The following CAMK1D variants were observed in gnomAD, a reference collection of about 807,000 sequenced individuals.
CAMK1D encodes the protein calcium/calmodulin-dependent protein kinase type 1D.
Under a neutral mutation model 47.7 loss-of-function variants are expected in CAMK1D, and 9 were observed. The ratio of observed to expected loss-of-function variants is 0.19; its 90% CI spans 0.11 to 0.33. CAMK1D has a LOEUF of 0.33. CAMK1D is among the 10% of genes least tolerant of loss of function. The probability of loss-of-function intolerance (pLI) is 1.00; values close to 1 mark genes in which losing one functional copy is unlikely to be tolerated. For missense variants in CAMK1D, 291 were observed against 488.7 expected, an observed-to-expected ratio of 0.60 and a Z score of 3.81; for synonymous variants, 184 against 184.9, an observed-to-expected ratio of 0.99 and a Z score of 0.04.
At chr10:12,668,382 T>C (rs944265978) in intron 3 of CAMK1D, among the ~76,000 whole-genome samples, 3 of 152,250 alleles carry the variant, frequency 2.0e-5, no homozygotes, top group Non-Finnish European at 4.4e-5. Flanking sequence ...TAAAGCTATA[T>C]GGATCTACTT....
chr10:12,634,469 CAGG>C (rs1192954663), intron 2 of CAMK1D, among the ~76,000 whole-genome samples: 4 of 152,174 alleles, frequency 2.6e-5, no homozygotes, highest in Non-Finnish European at 5.9e-5. Flanking sequence ...GTCCCGTAAG[CAGG>C]AGTTCAACAG....
At chr10:12,650,501 A>C (rs1839930496) in intron 2 of CAMK1D, among the ~76,000 whole-genome samples, 1 of 151,688 alleles carries the variant, frequency 6.6e-6, no homozygotes, top group South Asian at 2.1e-4. Context: ...CATGCCTGGC[A>C]CTCCTGGGTC....
chr10:12,383,774 C>T (rs942311064), intron 1 of CAMK1D, among the ~76,000 whole-genome samples: 43 of 152,306 alleles, frequency 2.8e-4, no homozygotes, highest in African/African-American at 9.1e-4. Flanking sequence ...AAAGAATGAA[C>T]GCTTTACCTT....
intron 1 of CAMK1D, among the ~76,000 whole-genome samples, chr10:12,402,440 C>T (rs1353969770): frequency 2.6e-5 from 4 of 152,250 alleles, no homozygotes; most frequent in South Asian, 2.1e-4. Context: ...CCATGTTACT[C>T]GGGCTAGTCT....
chr10:12,661,893 A>T (rs192564602), intron 2 of CAMK1D, among the ~76,000 whole-genome samples: 60 of 152,360 alleles, frequency 3.9e-4, no homozygotes, highest in South Asian at 1.0e-3. Context: ...GTTACTAAGA[A>T]CAAATCTTCC....
At chr10:12,638,706 C>T (rs529311156) in intron 2 of CAMK1D, among the ~76,000 whole-genome samples, 1 of 152,190 alleles carries the variant, frequency 6.6e-6, no homozygotes, top group Admixed American at 6.5e-5. Context: ...AGAGTGCAAT[C>T]GTGTCTGCTG....
At chr10:12,537,562 T>C (rs892837622) in intron 1 of CAMK1D, among the ~76,000 whole-genome samples, 4 of 152,168 alleles carry the variant, frequency 2.6e-5, no homozygotes, top group Admixed American at 1.3e-4. Context: ...TGCTAGTGAG[T>C]GTTGAGCATC....
intron 1 of CAMK1D, among the ~76,000 whole-genome samples, chr10:12,483,476 C>T (rs967323540): frequency 5.3e-5 from 8 of 152,160 alleles, no homozygotes; most frequent in African/African-American, 1.9e-4. Context: ...GCTGGGATTA[C>T]AGCAGTCTCA....
chr10:12,521,940 T>C (rs949749278), intron 1 of CAMK1D, among the ~76,000 whole-genome samples: 3 of 151,960 alleles, frequency 2.0e-5, no homozygotes, highest in Non-Finnish European at 4.4e-5. Flanking sequence ...CCCATCCTTT[T>C]AACTGACCTT....
chr10:12,571,268 A>G (rs80079928), intron 2 of CAMK1D, among the ~76,000 whole-genome samples: 2,630 of 151,928 alleles, frequency 0.017, 75 homozygotes, highest in African/African-American at 0.06. Flanking sequence ...AGCACAGTGA[A>G]ACCCCCGTCT....
chr10:12,682,705 T>TG (rs1832490859), intron 3 of CAMK1D, among the ~76,000 whole-genome samples: 1 of 152,128 alleles, frequency 6.6e-6, no homozygotes, highest in African/African-American at 2.4e-5. Flanking sequence ...GACAGTTTTA[T>TG]GAAAAAATAA....
chr10:12,684,093 T>G (rs1249233559), intron 3 of CAMK1D, among the ~76,000 whole-genome samples: 4 of 152,162 alleles, frequency 2.6e-5, no homozygotes, highest in East Asian at 3.8e-4. Context: ...TGTACAGACA[T>G]CACTAGTATA....
intron 1 of CAMK1D, among the ~76,000 whole-genome samples, chr10:12,549,628 C>G (rs567548587): frequency 7.8e-4 from 119 of 152,320 alleles, no homozygotes; most frequent in Admixed American, 2.2e-3. Context: ...CTCCCTGACT[C>G]TGCTCAGGAT....
chr10:12,399,886 T>C (rs1378419151), intron 1 of CAMK1D, among the ~76,000 whole-genome samples: 1 of 152,180 alleles, frequency 6.6e-6, no homozygotes, highest in Non-Finnish European at 1.5e-5. Context: ...GTGAGTTCAA[T>C]ATTAATGAAT....
intron 3 of CAMK1D, among the ~76,000 whole-genome samples, chr10:12,699,668 AT>A (rs150137133): frequency 5.4e-5 from 8 of 148,490 alleles, no homozygotes; most frequent in Admixed American, 2.0e-4. Flanking sequence ...AAACAAGATG[AT>A]TTTTTTTTTC....
At chr10:12,607,116 C>T (rs916079643) in intron 2 of CAMK1D, among the ~76,000 whole-genome samples, 12 of 152,164 alleles carry the variant, frequency 7.9e-5, no homozygotes, top group Non-Finnish European at 1.6e-4. Flanking sequence ...TGAGCCACCG[C>T]GCCTGGCCCA....
At chr10:12,565,208 C>T (rs992777575) in intron 2 of CAMK1D, among the ~76,000 whole-genome samples, 1 of 151,964 alleles carries the variant, frequency 6.6e-6, no homozygotes. Context: ...AAGACCCTGT[C>T]TCTGAAAACG....
intron 1 of CAMK1D, among the ~76,000 whole-genome samples, chr10:12,451,662 C>T (rs779136564): frequency 7.2e-5 from 11 of 152,172 alleles, no homozygotes; most frequent in Non-Finnish European, 1.2e-4. Flanking sequence ...GTAAATCTTT[C>T]AAAGAATTTA....
chr10:12,537,854 T>C (rs1267105464), intron 1 of CAMK1D, among the ~76,000 whole-genome samples: 2 of 152,226 alleles, frequency 1.3e-5, no homozygotes, highest in African/African-American at 4.8e-5. Context: ...CTAATTCTTT[T>C]CCCCTAAAAT....
Sources: allele counts gnomAD v4.1 joint callset (sites outside exome capture counted in the v4.1 genomes callset), GRCh38; gene constraint gnomAD v4.1.1; transcripts MANE v1.5; gene names NCBI Gene and HGNC (gene_info 2026-07-23, HGNC 2026-07-21).